ALMS1: variants seen among roughly 807,000 people sequenced by gnomAD.
The protein encoded by ALMS1 is centrosome-associated protein ALMS1.
In ALMS1, 271 loss-of-function variants were observed where a neutral mutation model predicts 352.2. The ratio of observed to expected loss-of-function variants is 0.77; its 90% CI spans 0.70 to 0.85. The LOEUF (loss-of-function observed/expected upper bound fraction) is 0.85. ALMS1 is among the 40% of genes least tolerant of loss of function. The pLI is 0.00. For missense variants in ALMS1, 5,445 were observed against 4,870.7 expected (o/e 1.12, Z -3.51); for synonymous variants, 1,865 against 1,761.2 (o/e 1.06, Z -1.48).
chr2:73,447,878 G>T, intron 7 of ALMS1, 82 bp from the exon 8 acceptor site: 3 of 1,415,456 alleles, frequency 2.1e-6, no homozygotes, highest in Middle Eastern at 2.5e-4. Flanking sequence ...CTTTTTAAAG[G>T]CTCAAAGCTG....
rs757876578 is a variant in ALMS1 at position 73,449,828 on chromosome 2, G to A, written c.3301G>A (p.Glu1101Lys). Residue 1101 changes from glutamate (E) to lysine (K), a missense_variant, in exon 8 of 23, where the codon GAG becomes AAG. By Grantham distance (56) the Glu-to-Lys change is moderately conservative. Coordinates refer to ENST00000613296, the MANE Select transcript of ALMS1 (RefSeq NM_001378454.1). ...ACCGTCTACTTTCTACTCACAAAGA[G>A]AGAAGCCTGGTATTTTCTACCAACA... ...AVPSTFYSQR[E>K]KPGIFYQQTL... 2 of 1,614,102 alleles carry A rather than the reference G, an allele frequency of 1.2e-6. No homozygotes were observed. The highest frequency in any genetic ancestry group is 1.7e-6 in the Non-Finnish European group (2 of 1,179,974).
chr2:73,501,543 C>G (rs1288676507), intron 10 of ALMS1, among the ~76,000 whole-genome samples: 1 of 152,070 alleles, frequency 6.6e-6, no homozygotes, highest in African/African-American at 2.4e-5. Context: ...TCTAGCACCA[C>G]TTTTCAAAAA....
chr2:73,395,063 TATATATATATA>T (rs1558628474), intron 1 of ALMS1, among the ~76,000 whole-genome samples: 7 of 107,246 alleles, frequency 6.5e-5, no homozygotes, highest in African/African-American at 2.3e-4. Flanking sequence ...TATATGTGTA[TATATATATATA>T]TATATTTTTT....
intron 6 of ALMS1, among the ~76,000 whole-genome samples, chr2:73,431,307 A>G (rs1365696988): frequency 6.6e-6 from 1 of 152,198 alleles, no homozygotes; most frequent in East Asian, 1.9e-4. Context: ...CACACTTCAC[A>G]TGGCTTCCTA....
At position 73,568,749 on chromosome 2, in the gene ALMS1, AAG is replaced by A. The variant is rs772947852; in HGVS notation, c.10385-3511_10385-3510del. Among the ~76,000 whole-genome samples the A allele has an allele frequency of 9.8e-4, 149 of 152,310 alleles. 1 individual carries two copies. Among genetic ancestry groups the A allele is most frequent in the Middle Eastern group, 3.4e-3 (1 of 294 alleles). ...TAAAAGTCTGCAGTTCTAGGTATGA[AAG>A]AAATATTTAAAAATAAATGAAAAGC... On this transcript the variant is annotated intron_variant, in intron 15 of 22. Transcript: ENST00000613296.
intron 12 of ALMS1, among the ~76,000 whole-genome samples, chr2:73,538,191 C>CTTA (rs574835070): frequency 3.2e-4 from 49 of 152,110 alleles, no homozygotes; most frequent in African/African-American, 1.1e-3. Context: ...ATGTAAGGAA[C>CTTA]CCTTACAACT....
intron 16 of ALMS1, among the ~76,000 whole-genome samples, chr2:73,578,168 T>G (rs1285703161): frequency 1.3e-5 from 2 of 152,188 alleles, no homozygotes. Flanking sequence ...TAATGTAAAG[T>G]CTGTTTTGTC....
chr2:73,452,085 A>G lies in ALMS1; in HGVS notation c.5558A>G (p.Gln1853Arg), dbSNP rs574696548. 17 of 1,614,116 alleles carry G rather than the reference A, an allele frequency of 1.1e-5. No homozygotes were observed. The South Asian group carries it at 1.4e-4, about 14-fold the overall frequency. ...ATCCTGCCCTCTAATTCCTACCCAC[A>G]GAGAGAGCACTCTGTCATTTCTTAT... ...INILPSNSYP[Q>R]REHSVISYEQ... is the part of the protein sequence containing the mutation. The change falls in exon 8 of 23, where the codon CAG becomes CGG. Residue 1853 changes from glutamine to arginine, a missense_variant. Physicochemically the swap from Gln to Arg is conservative, Grantham distance 43 (BLOSUM62 1). Coordinates refer to ENST00000613296, the MANE Select transcript of ALMS1 (RefSeq NM_001378454.1).
intron 7 of ALMS1, among the ~76,000 whole-genome samples, chr2:73,438,068 C>T (rs1307782542): frequency 5.3e-5 from 8 of 152,158 alleles, no homozygotes; most frequent in Admixed American, 4.6e-4. Context: ...TCTTCCCCAG[C>T]TGTGAGTATA....
intron 9 of ALMS1, 89 bp from the exon 10 acceptor site, chr2:73,489,545 G>T (rs1221161800): frequency 1.1e-5 from 16 of 1,442,830 alleles, no homozygotes; most frequent in Admixed American, 1.7e-5. Flanking sequence ...TAATCTTAGC[G>T]TGGGTATAAA....
intron 21 of ALMS1, among the ~76,000 whole-genome samples, chr2:73,606,746 G>T (rs1675825858): frequency 6.6e-6 from 1 of 152,146 alleles, no homozygotes; most frequent in Non-Finnish European, 1.5e-5. Flanking sequence ...CAGCAAGTTA[G>T]GGTCACAGCT....
intron 10 of ALMS1, among the ~76,000 whole-genome samples, chr2:73,513,819 C>G (rs768564614): frequency 4.6e-5 from 7 of 152,066 alleles, no homozygotes; most frequent in Non-Finnish European, 8.8e-5. Context: ...TGTCTTCTTG[C>G]CCTGCTTGAA....
intron 9 of ALMS1, among the ~76,000 whole-genome samples, chr2:73,482,539 C>CT (rs990954428): frequency 6.2e-4 from 94 of 152,054 alleles, no homozygotes; most frequent in Non-Finnish European, 1.2e-3. Flanking sequence ...CTAAAATTCT[C>CT]TTTTTTTGTT....
chr2:73,591,482 A>G (rs558488198), intron 16 of ALMS1, among the ~76,000 whole-genome samples: 48 of 152,358 alleles, frequency 3.2e-4, no homozygotes, highest in African/African-American at 1.1e-3. Context: ...AATAATTGGC[A>G]TGGTTCTTTT....
intron 21 of ALMS1, among the ~76,000 whole-genome samples, chr2:73,606,997 G>C (rs1368128075): frequency 6.6e-6 from 1 of 152,172 alleles, no homozygotes; most frequent in Non-Finnish European, 1.5e-5. Flanking sequence ...AGCCCTCCAT[G>C]AATCTAGTGA....
At chr2:73,482,438 A>G (rs1199761371) in intron 9 of ALMS1, among the ~76,000 whole-genome samples, 2 of 152,148 alleles carry the variant, frequency 1.3e-5, no homozygotes, top group African/African-American at 2.4e-5. Context: ...CCACTTGATC[A>G]TGGTGGATAA....
chr2:73,571,500 C>A (rs1435491195), intron 15 of ALMS1, among the ~76,000 whole-genome samples: 9 of 152,120 alleles, frequency 5.9e-5, no homozygotes, highest in Non-Finnish European at 8.8e-5. Flanking sequence ...AAAGGCCAAA[C>A]AGGAGCCTTC....
At chr2:73,457,861 C>T (rs1364962218) in intron 9 of ALMS1, 1 of 151,270 alleles carries the variant, frequency 6.6e-6, no homozygotes, top group African/African-American at 2.4e-5. Context: ...GGTGAAACCC[C>T]GTCTCTACTA....
At chr2:73,543,210 C>A (rs928863443) in intron 12 of ALMS1, among the ~76,000 whole-genome samples, 1 of 152,098 alleles carries the variant, frequency 6.6e-6, no homozygotes, top group African/African-American at 2.4e-5. Context: ...GAAATAATGC[C>A]GCATATCTAC....
Sources: gnomAD v4.1 joint callset for allele counts (sites outside exome capture counted in the v4.1 genomes callset) on GRCh38, gnomAD v4.1.1 for gene constraint, MANE v1.5 for transcripts, NCBI Gene and HGNC (gene_info 2026-07-23, HGNC 2026-07-21) for gene names.